The following CIB1 variants were observed in gnomAD, a reference collection of about 807,000 sequenced individuals.
CIB1 encodes the protein calcium and integrin binding 1, also known as calcium and integrin-binding protein 1.
Under a neutral mutation model 25.0 loss-of-function variants are expected in CIB1, and 19 were observed. The observed-to-expected ratio is 0.76, with a 90% confidence interval of 0.53 to 1.12. CIB1 has a LOEUF of 1.12. Ranked by LOEUF, CIB1 falls within the 50% of genes most tolerant of loss-of-function variation. The pLI is 0.00. For missense variants in CIB1, 236 were observed against 242.6 expected (o/e 0.97, Z 0.18); for synonymous variants, 104 against 98.5 (o/e 1.06, Z -0.33).
chr15:90,257,128 A>C, the CIB1 span: 1 of 1,610,836 alleles, frequency 6.2e-7, no homozygotes, highest in African/African-American at 1.3e-5. Context: ...ATGGGTTTGC[A>C]TGCTCCCAGC....
chr15:90,244,486 C>T, the CIB1 span: 1 of 152,166 alleles, frequency 6.6e-6, no homozygotes, highest in Non-Finnish European at 1.5e-5. Context: ...TGTGAAATCT[C>T]ATTTTCCTTT....
the CIB1 span, chr15:90,263,110 G>A: frequency 2.0e-6 from 3 of 1,529,544 alleles, no homozygotes; most frequent in African/African-American, 2.8e-5. Flanking sequence ...GCAGCACCCT[G>A]GCCCCCAGGG....
the CIB1 span, among the ~76,000 whole-genome samples, chr15:90,260,496 C>T: frequency 6.6e-6 from 1 of 151,642 alleles, no homozygotes; most frequent in Non-Finnish European, 1.5e-5. Context: ...GACCTTGTTT[C>T]AAAAAATTAA....
chr15:90,249,306 G>A, the CIB1 span, among the ~76,000 whole-genome samples: 104 of 152,252 alleles, frequency 6.8e-4, no homozygotes, highest in African/African-American at 2.5e-3. Flanking sequence ...CTTGGCCCGG[G>A]GTTTAGGGAA....
At chr15:90,264,165 A>G in the CIB1 span, 1 of 688,418 alleles carries the variant, frequency 1.5e-6, no homozygotes, top group African/African-American at 1.8e-5. Context: ...CACCAGTGTA[A>G]GAATGGGGAA....
At chr15:90,255,957 G>A in the CIB1 span, 1 of 1,607,472 alleles carries the variant, frequency 6.2e-7, no homozygotes, top group African/African-American at 1.3e-5. Context: ...CTCTGGTCTT[G>A]TGACCTAGGA....
At chr15:90,262,049 G>A in the CIB1 span, 1 of 1,535,902 alleles carries the variant, frequency 6.5e-7, no homozygotes, top group Non-Finnish European at 8.7e-7. Context: ...GCTGGACCAG[G>A]AACGATATGA....
At chr15:90,255,909 C>T in the CIB1 span, 1 of 1,614,026 alleles carries the variant, frequency 6.2e-7, no homozygotes, top group Non-Finnish European at 8.5e-7. Flanking sequence ...GCTTCCCATG[C>T]TGAGATACCA....
At chr15:90,234,061 G>A (rs1023972656), upstream of CIB1, 120 of 715,044 alleles carry the variant, frequency 1.7e-4, no homozygotes, top group Non-Finnish European at 2.0e-4. Flanking sequence ...TTTGGCAGGC[G>A]AGCTGCCGGC....
chr15:90,241,492 T>C, the CIB1 span: 10 of 1,613,654 alleles, frequency 6.2e-6, no homozygotes, highest in South Asian at 2.2e-5. Flanking sequence ...GCTGTGCTGC[T>C]GAGCTTACAC....
intron 3 of CIB1, among the ~76,000 whole-genome samples, chr15:90,231,714 T>C (rs1420525574): frequency 6.6e-6 from 1 of 152,204 alleles, no homozygotes; most frequent in Non-Finnish European, 1.5e-5. Context: ...GATGGCTTCC[T>C]GGGAGTCAAG....
At chr15:90,263,760 G>A in the CIB1 span, 2 of 695,342 alleles carry the variant, frequency 2.9e-6, no homozygotes, top group Non-Finnish European at 5.3e-6. Context: ...GCTAGGACAG[G>A]CTGGGCAGTC....
the CIB1 span, chr15:90,262,901 ATCC>A: frequency 6.1e-6 from 9 of 1,477,892 alleles, no homozygotes; most frequent in Non-Finnish European, 8.1e-6. Flanking sequence ...GCCTGTAGCC[ATCC>A]TGGGTGATGG....
the CIB1 span, among the ~76,000 whole-genome samples, chr15:90,239,497 GGCA>G: frequency 1.3e-5 from 2 of 152,122 alleles, no homozygotes; most frequent in Non-Finnish European, 2.9e-5. Context: ...TTCTTCACAT[GGCA>G]GCAGCAGGGA....
At chr15:90,251,515 C>G in the CIB1 span, 1 of 1,590,756 alleles carries the variant, frequency 6.3e-7, no homozygotes, top group Admixed American at 1.7e-5. Context: ...CTGTCCTTCC[C>G]TCCCACTCTT....
the CIB1 span, chr15:90,241,502 C>G: frequency 3.7e-6 from 6 of 1,613,812 alleles, no homozygotes; most frequent in Non-Finnish European, 5.1e-6. Context: ...TGAGCTTACA[C>G]CCGGGCTTCC....
the CIB1 span, chr15:90,253,169 C>A: frequency 8.4e-7 from 1 of 1,190,196 alleles, no homozygotes; most frequent in Non-Finnish European, 1.2e-6. Flanking sequence ...CAGGTGTATA[C>A]CTTACCTGAC....
the CIB1 span, among the ~76,000 whole-genome samples, chr15:90,246,195 C>T: frequency 6.6e-6 from 1 of 152,050 alleles, no homozygotes; most frequent in African/African-American, 2.4e-5. Flanking sequence ...ATCGCTTCAA[C>T]CCAGGAGGCA....
At chr15:90,251,705 G>T in the CIB1 span, 1 of 1,256,654 alleles carries the variant, frequency 8.0e-7, no homozygotes, top group Non-Finnish European at 1.2e-6. Flanking sequence ...GGGGCCTGGC[G>T]GGCTTGCCTC....
Sources: allele counts gnomAD v4.1 joint callset (sites outside exome capture counted in the v4.1 genomes callset), GRCh38; gene constraint gnomAD v4.1.1; transcripts MANE v1.5; gene names NCBI Gene and HGNC (gene_info 2026-07-23, HGNC 2026-07-21).